Variants in NAT10 observed in about 807,000 individuals in gnomAD.
The protein encoded by NAT10 is N-acetyltransferase 10.
A neutral mutation model predicts 132.2 loss-of-function variants in NAT10; 109 were observed. The ratio of observed to expected loss-of-function variants is 0.82; its 90% confidence interval spans 0.71 to 0.97. The LOEUF (loss-of-function observed/expected upper bound fraction) is 0.97. NAT10 is among the 50% of genes least tolerant of loss of function. NAT10 has a pLI of 0.00. For synonymous variants in NAT10, 479 were observed against 478.0 expected, an observed-to-expected ratio of 1.00 and a Z score of -0.03; for missense variants, 1,184 against 1,263.4, an observed-to-expected ratio of 0.94 and a Z score of 0.95.
At chr11:34,133,177 T>TG in intron 16 of NAT10, 35 bp downstream of exon 16, 1 of 1,494,600 alleles carries the variant, frequency 6.7e-7, no homozygotes, top group Non-Finnish European at 9.3e-7. Flanking sequence ...GGCAGTGATT[T>TG]GGGGAACCAC....
intron 22 of NAT10, 45 bp from the exon 23 acceptor site, chr11:34,139,340 G>C: frequency 6.2e-7 from 1 of 1,609,908 alleles, no homozygotes; most frequent in Non-Finnish European, 8.5e-7. Context: ...GGGGGCTGCC[G>C]GGGATGCCTC....
chr11:34,123,817 G>C lies in NAT10; in HGVS notation c.970G>C (p.Glu324Gln). 2 of 1,611,888 alleles carry C rather than the reference G, an allele frequency of 1.2e-6. No individual in the cohort carries two copies. The highest frequency in any genetic ancestry group is 1.7e-6 in the Non-Finnish European group (2 of 1,178,030). Residue 324 changes from glutamate (E) to glutamine (Q), a missense_variant, in exon 10 of 29, where the codon GAA becomes CAA. By Grantham distance (29) the Glu-to-Gln change is conservative. Coordinates refer to ENST00000257829, the MANE Select transcript of NAT10 (RefSeq NM_024662.3). ...PSPDNLHTLF[E>Q]FVFKGFDALQ... ...CCCTGATAACCTCCATACTCTGTTTGAATTTGTATTTAAAGGATTTGATGC... is the reference window on the plus strand; with the variant it reads ...CCCTGATAACCTCCATACTCTGTTTCAATTTGTATTTAAAGGATTTGATGC...
intron 25 of NAT10, 112 bp downstream of exon 25, chr11:34,141,320 G>T (rs113991886): frequency 2.3e-6 from 3 of 1,329,196 alleles, no homozygotes; most frequent in Non-Finnish European, 3.1e-6. Context: ...GCTGCATCTC[G>T]TCACACACAC....
chr11:34,137,303 G>C (rs1413949364), intron 21 of NAT10, among the ~76,000 whole-genome samples: 1 of 152,242 alleles, frequency 6.6e-6, no homozygotes, highest in Non-Finnish European at 1.5e-5. Context: ...TCTGGGAAAG[G>C]AGAGTGGACA....
At chr11:34,143,002 T>G (rs1852367601) in intron 27 of NAT10, among the ~76,000 whole-genome samples, 1 of 152,170 alleles carries the variant, frequency 6.6e-6, no homozygotes, top group Non-Finnish European at 1.5e-5. Context: ...AAACCTTGAT[T>G]TGCCAGGACT....
In NAT10 at chr11:34,133,095, G is replaced by A. The variant is rs748508562; in HGVS notation, c.1687G>A (p.Val563Met). Residue 563 changes from valine to methionine, a missense_variant, in exon 16 of 29, where the codon GTG becomes ATG. Physicochemically the swap from Val to Met is conservative, Grantham distance 21 (BLOSUM62 1). Coordinates refer to ENST00000257829, the MANE Select transcript of NAT10 (RefSeq NM_024662.3). ...AHHLFCLLPP[V>M]PPTQNALPEV... is the part of the protein sequence containing the mutation. Reference sequence around the variant, plus strand: ...CCATCTCTTCTGCCTTCTGCCTCCCGTGCCCCCCACCCAGAATGCCCTTCC... The same window carrying A: ...CCATCTCTTCTGCCTTCTGCCTCCCATGCCCCCCACCCAGAATGCCCTTCC... The A allele has an allele frequency of 6.2e-7, 1 of 1,614,072 alleles. No homozygotes were observed. Among genetic ancestry groups the A allele is most frequent in the East Asian group, 2.2e-5 (1 of 44,882 alleles).
At position 34,108,158 on chromosome 11, in the gene NAT10, T is replaced by C. The variant is rs918814229; in HGVS notation, c.-15-53T>C. ...GGCCCCACAAAAGGCAGCCAGCTAA[T>C]GTTCCTTAGACAATCTAGTGCGCAT... On this transcript the variant is annotated intron_variant, in intron 1 of 28. Transcript: ENST00000257829. 13 of 1,260,268 alleles carry C rather than the reference T, an allele frequency of 1.0e-5. No homozygotes were observed. The South Asian group carries it at 1.6e-4, about 15-fold the overall frequency. The allele number at this position is 1,260,268 out of a possible 1,614,324, so 78.1% of individuals were successfully genotyped here.
Position 34,136,713 on chromosome 11 carries a change from G to A in NAT10, c.2100G>A (p.Glu700=). The change falls in exon 20 of 29, where the codon GAG becomes GAA. Residue 700 remains glutamate (E), a synonymous_variant. Coordinates refer to ENST00000257829, the MANE Select transcript of NAT10 (RefSeq NM_024662.3). ...DLPPLLLKLN[E]RPAERLDYLG... ...CTCCTTTACTCCTCAAATTGAATGAGAGGCCTGCCGAACGCCTGGATTACC... is the reference window on the plus strand; with the variant it reads ...CTCCTTTACTCCTCAAATTGAATGAAAGGCCTGCCGAACGCCTGGATTACC... 1 of 1,614,144 alleles carries A rather than the reference G, an allele frequency of 6.2e-7. No homozygotes were observed. Among genetic ancestry groups the A allele is most frequent in the Non-Finnish European group, 8.5e-7 (1 of 1,180,034 alleles).
Position 34,108,278 on chromosome 11 carries a change from T to C in NAT10, c.53T>C (p.Val18Ala). Reference protein sequence around the residue: ...NRIRILIENGVAERQRSLFVV... With the variant: ...NRIRILIENGAAERQRSLFVV... ...ATCCGGATTCTCATTGAGAATGGAG[T>C]AGCTGAGCGGCAAAGATCTCTCTTT... The change falls in exon 2 of 29, where the codon GTA becomes GCA. Residue 18 changes from valine (V) to alanine (A), a missense_variant. Transcript: ENST00000257829. 1 of 1,614,122 alleles carries C rather than the reference T, an allele frequency of 6.2e-7. No individual in the cohort carries two copies. The highest frequency in any genetic ancestry group is 8.5e-7 in the Non-Finnish European group (1 of 1,180,014).
Position 34,133,079 on chromosome 11 carries a change from C to T in NAT10, c.1671C>T (p.Phe557=). Residue 557 remains phenylalanine (F), a synonymous_variant, in exon 16 of 29, where the codon TTC becomes TTT. Transcript: ENST00000257829. The part of the protein sequence containing the change: ...MLSDAPAHHL[F]CLLPPVPPTQ... ...CCGATGCACCTGCTCACCATCTCTT[C>T]TGCCTTCTGCCTCCCGTGCCCCCCA... 1 of 1,614,190 alleles carries T rather than the reference C, an allele frequency of 6.2e-7. No individual in the cohort carries two copies. The highest frequency in any genetic ancestry group is 8.5e-7 in the Non-Finnish European group (1 of 1,180,002).
chr11:34,123,291 G>C lies in NAT10; in HGVS notation c.915-471G>C, dbSNP rs181428566. On this transcript the variant is annotated intron_variant, in intron 9 of 28. Coordinates refer to ENST00000257829, the MANE Select transcript of NAT10 (RefSeq NM_024662.3). ...CTTAGCTCCTGACTCCTTGTCCTTC[G>C]TTCTTCCTGCTGCTCTAGCTGTAAC... Among the ~76,000 whole-genome samples the C allele has an allele frequency of 6.6e-5, 10 of 152,306 alleles. No individual in the cohort carries two copies. The East Asian group carries it at 1.9e-3, about 29-fold the overall frequency.
At chr11:34,119,771 C>A (rs1477385992) in intron 8 of NAT10, among the ~76,000 whole-genome samples, 1 of 152,112 alleles carries the variant, frequency 6.6e-6, no homozygotes, top group Non-Finnish European at 1.5e-5. Context: ...TGTAAGTGGT[C>A]CCCTGTTAGA....
chr11:34,116,146 T>C (rs1851779060), intron 6 of NAT10, among the ~76,000 whole-genome samples: 2 of 152,208 alleles, frequency 1.3e-5, no homozygotes, highest in Non-Finnish European at 2.9e-5. Flanking sequence ...CTCTGGTTCT[T>C]AGCTTACTCA....
intron 22 of NAT10, 43 bp downstream of exon 22, chr11:34,139,330 G>A (rs1315953703): frequency 6.2e-7 from 1 of 1,611,808 alleles, no homozygotes. Context: ...TGAGGTGATT[G>A]GGGGCTGCCG....
chr11:34,113,493 G>C (rs1851731399), intron 4 of NAT10, among the ~76,000 whole-genome samples: 1 of 151,944 alleles, frequency 6.6e-6, no homozygotes, highest in Non-Finnish European at 1.5e-5. Flanking sequence ...CTTATCACCT[G>C]GCTTTTGGTT....
chr11:34,108,973 T>C, intron 3 of NAT10, 140 bp downstream of exon 3: 2 of 659,758 alleles, frequency 3.0e-6, no homozygotes, highest in East Asian at 6.1e-5. Flanking sequence ...GCTGATATCC[T>C]TTCTTCATTC....
intron 13 of NAT10, 147 bp from the exon 14 acceptor site, chr11:34,131,234 C>A: frequency 8.2e-7 from 1 of 1,217,518 alleles, no homozygotes; most frequent in Non-Finnish European, 1.1e-6. Context: ...CCACCAAAAA[C>A]AATTTTAAAC....
At chr11:34,128,903 T>A (rs1345946828) in intron 12 of NAT10, among the ~76,000 whole-genome samples, 2 of 152,176 alleles carry the variant, frequency 1.3e-5, no homozygotes, top group Non-Finnish European at 2.9e-5. Context: ...TTTGCCTATT[T>A]TGGACATTTC....
In NAT10 at chr11:34,118,187, C is replaced by T. The variant is rs1242710827; in HGVS notation, c.565C>T (p.Leu189=). Reference sequence around the variant, plus strand: ...AGCGGTTTTGTATCTCAGGTTTATTCTGTCTCTGGCCTCTTGTAAGAAGTG... The same window carrying T: ...AGCGGTTTTGTATCTCAGGTTTATTTTGTCTCTGGCCTCTTGTAAGAAGTG... ...VVGRFNERFI[L]SLASCKKCLV... is the part of the protein sequence containing the mutation. Residue 189 remains leucine, a synonymous_variant, in exon 7 of 29, where the codon CTG becomes TTG. Coordinates refer to ENST00000257829, the MANE Select transcript of NAT10 (RefSeq NM_024662.3). 1.9e-6 allele frequency: 3 copies of T among 1,613,566 alleles called. No homozygotes were observed. Among genetic ancestry groups the T allele is most frequent in the Non-Finnish European group, 2.5e-6 (3 of 1,179,468 alleles).
Sources: allele counts gnomAD v4.1 joint callset (sites outside exome capture counted in the v4.1 genomes callset), GRCh38; gene constraint gnomAD v4.1.1; transcripts MANE v1.5; gene names NCBI Gene and HGNC (gene_info 2026-07-23, HGNC 2026-07-21).